The following CNTNAP2 variants were observed in gnomAD, a reference collection of about 807,000 sequenced individuals.
The protein encoded by CNTNAP2 is contactin associated protein 2.
Under a neutral mutation model 155.2 loss-of-function variants are expected in CNTNAP2, and 98 were observed. The observed-to-expected ratio is 0.63, with a 90% CI of 0.54 to 0.75. The LOEUF is 0.75. Ranked by LOEUF, CNTNAP2 falls within the 30% of genes least tolerant of loss-of-function variation. The probability of loss-of-function intolerance (pLI) is 0.00; values close to 1 mark genes in which losing one functional copy is unlikely to be tolerated. For missense variants in CNTNAP2, 1,727 were observed against 1,688.1 expected (o/e 1.02, Z -0.40); for synonymous variants, 651 against 631.2 (o/e 1.03, Z -0.47).
rs1311224566 is a variant in CNTNAP2, at chr7:147,973,712, T to C, written c.2256-4150T>C. 3.3e-5 allele frequency among the ~76,000 whole-genome samples: 5 copies of C among 152,320 alleles called. No homozygotes were observed. In the East Asian group the frequency reaches 9.6e-4, roughly 29 times the overall value. ...TAAATGAGAGTTAAAAGGAAAATTC[T>C]TTTAATTTACATAGTGGTGTTTTGG... is the stretch of plus-strand genomic sequence containing the variant. On this transcript the variant is annotated intron_variant, in intron 14 of 23. Coordinates refer to ENST00000361727, the MANE Select transcript of CNTNAP2 (RefSeq NM_014141.6).
At chr7:146,864,299 A>G (rs546582722) in intron 3 of CNTNAP2, among the ~76,000 whole-genome samples, 7 of 152,266 alleles carry the variant, frequency 4.6e-5, no homozygotes, top group Admixed American at 1.3e-4. Context: ...GTTTGGTTCA[A>G]TATTTTAAAA....
chr7:147,139,634 G>C lies in CNTNAP2; in HGVS notation c.1348+7125G>C, dbSNP rs149305687. On this transcript the variant is annotated intron_variant, in intron 8 of 23. Coordinates refer to ENST00000361727, the MANE Select transcript of CNTNAP2 (RefSeq NM_014141.6). Reference sequence around the variant, plus strand: ...CACCTTTTAATTTTTAAGTAATTTGGGAAGAATGTAGGCTCATTAGGTTAT... The same window carrying C: ...CACCTTTTAATTTTTAAGTAATTTGCGAAGAATGTAGGCTCATTAGGTTAT... Among the ~76,000 whole-genome samples the C allele has an allele frequency of 4.1e-3, 625 of 152,072 alleles. 6 individuals are homozygous for C. Among genetic ancestry groups the C allele is most frequent in the African/African-American group, 0.014 (599 of 41,508 alleles).
At chr7:147,487,624 A>G (rs1384724062) in intron 11 of CNTNAP2, among the ~76,000 whole-genome samples, 2 of 152,132 alleles carry the variant, frequency 1.3e-5, no homozygotes, top group African/African-American at 2.4e-5. Flanking sequence ...TATCTCAGTG[A>G]TGGCTTTTAC....
At chr7:146,409,844 T>G (rs1795841735) in intron 1 of CNTNAP2, among the ~76,000 whole-genome samples, 1 of 152,200 alleles carries the variant, frequency 6.6e-6, no homozygotes, top group Non-Finnish European at 1.5e-5. Flanking sequence ...GAAATTACAG[T>G]TCCAAATTCT....
At chr7:146,213,841 T>C (rs1158095083) in intron 1 of CNTNAP2, among the ~76,000 whole-genome samples, 1 of 152,210 alleles carries the variant, frequency 6.6e-6, no homozygotes, top group Non-Finnish European at 1.5e-5. Context: ...GCCATCATTG[T>C]TTTTCCATGG....
At chr7:148,277,224 C>T (rs533787938) in intron 21 of CNTNAP2, among the ~76,000 whole-genome samples, 10 of 152,270 alleles carry the variant, frequency 6.6e-5, no homozygotes, top group African/African-American at 2.4e-4. Context: ...ATCTGCTGGC[C>T]TCCAGCCCAG....
At chr7:147,242,908 T>C (rs537774181) in intron 8 of CNTNAP2, among the ~76,000 whole-genome samples, 7 of 151,880 alleles carry the variant, frequency 4.6e-5, no homozygotes, top group African/African-American at 1.7e-4. Flanking sequence ...CAGGCTACCA[T>C]TCTTATGTAC....
intron 13 of CNTNAP2, among the ~76,000 whole-genome samples, chr7:147,802,025 G>A (rs1450261220): frequency 6.7e-6 from 1 of 149,686 alleles, no homozygotes; most frequent in East Asian, 2.0e-4. Context: ...CGGACAGGGT[G>A]GCTGCCGGGC....
At chr7:146,268,590 T>C (rs1032361199) in intron 1 of CNTNAP2, among the ~76,000 whole-genome samples, 1 of 152,164 alleles carries the variant, frequency 6.6e-6, no homozygotes, top group Non-Finnish European at 1.5e-5. Flanking sequence ...CTGGATCTGC[T>C]TTTCCATCTC....
intron 15 of CNTNAP2, among the ~76,000 whole-genome samples, chr7:148,043,222 G>C (rs1309306819): frequency 3.3e-5 from 5 of 152,144 alleles, no homozygotes; most frequent in African/African-American, 1.2e-4. Context: ...GCACATAAAG[G>C]CTGTTTGACA....
chr7:147,169,127 C>T (rs1157953663), intron 8 of CNTNAP2, among the ~76,000 whole-genome samples: 3 of 152,032 alleles, frequency 2.0e-5, no homozygotes, highest in Non-Finnish European at 4.4e-5. Flanking sequence ...AATTGGGCTC[C>T]AAACACTACA....
At chr7:148,320,222 C>T (rs1797765426) in intron 21 of CNTNAP2, among the ~76,000 whole-genome samples, 1 of 152,070 alleles carries the variant, frequency 6.6e-6, no homozygotes, top group African/African-American at 2.4e-5. Flanking sequence ...GTTTAGGAGG[C>T]TATAGTCAGA....
intron 15 of CNTNAP2, among the ~76,000 whole-genome samples, chr7:148,010,390 T>C (rs1295540710): frequency 6.6e-6 from 1 of 151,948 alleles, no homozygotes; most frequent in African/African-American, 2.4e-5. Context: ...CCATTTTCCT[T>C]TTTGGTTTAT....
chr7:147,764,911 C>A (rs1797360581), intron 13 of CNTNAP2, among the ~76,000 whole-genome samples: 1 of 152,106 alleles, frequency 6.6e-6, no homozygotes, highest in Non-Finnish European at 1.5e-5. Flanking sequence ...AATCACAACA[C>A]CAGAAACTTA....
At chr7:148,075,914 G>A (rs1174484862) in intron 15 of CNTNAP2, among the ~76,000 whole-genome samples, 1 of 152,144 alleles carries the variant, frequency 6.6e-6, no homozygotes, top group Non-Finnish European at 1.5e-5. Context: ...ATTTGGAAGA[G>A]TTTGGTGATG....
At chr7:147,077,363 C>CTT (rs140222861) in intron 4 of CNTNAP2, among the ~76,000 whole-genome samples, 21 of 151,808 alleles carry the variant, frequency 1.4e-4, no homozygotes, top group African/African-American at 4.6e-4. Context: ...AGCAGAAATG[C>CTT]TTTTTTTTCA....
intron 3 of CNTNAP2, among the ~76,000 whole-genome samples, chr7:146,902,423 T>C (rs1030787169): frequency 2.6e-5 from 4 of 152,252 alleles, no homozygotes; most frequent in Admixed American, 6.5e-5. Context: ...CTGGAACTTA[T>C]ATGACACTTG....
intron 12 of CNTNAP2, among the ~76,000 whole-genome samples, chr7:147,572,249 A>G (rs1342079551): frequency 1.3e-5 from 2 of 152,176 alleles, no homozygotes; most frequent in East Asian, 3.9e-4. Flanking sequence ...TGTGTCAGCC[A>G]TAGTGATAGG....
At position 147,337,774 on chromosome 7, in the gene CNTNAP2, A is replaced by T. The variant is rs994436678; in HGVS notation, c.1498+37484A>T. On this transcript the variant is annotated intron_variant, in intron 9 of 23. Transcript: ENST00000361727. ...ATGAGCTTGCTCATTATCTCTGAAG[A>T]TTTACATGGAGTATTCAAAGCCTGC... Among the ~76,000 whole-genome samples the T allele has an allele frequency of 9.9e-5, 15 of 152,240 alleles. 1 individual carries two copies. Among genetic ancestry groups the T allele is most frequent in the Admixed American group, 7.9e-4 (12 of 15,280 alleles).
Sources: gnomAD v4.1 joint callset for allele counts (sites outside exome capture counted in the v4.1 genomes callset) on GRCh38, gnomAD v4.1.1 for gene constraint, MANE v1.5 for transcripts, NCBI Gene and HGNC (gene_info 2026-07-23, HGNC 2026-07-21) for gene names.